Variants in GFOD1 observed in about 807,000 individuals in gnomAD.
GFOD1 encodes Gfo/Idh/MocA-like oxidoreductase domain containing 1.
In GFOD1, 9 loss-of-function variants were observed where a neutral mutation model predicts 25.4. The observed-to-expected ratio is 0.35, with a 90% CI of 0.21 to 0.62. The LOEUF (loss-of-function observed/expected upper bound fraction) is 0.62, where lower values mean the gene tolerates loss of function less well. Among genes scored for constraint, GFOD1 ranks in the 20% least tolerant of loss-of-function variants. The probability of loss-of-function intolerance (pLI) is 0.72; values close to 1 mark genes in which losing one functional copy is unlikely to be tolerated. For missense variants in GFOD1, 403 were observed against 556.9 expected (o/e 0.72, Z 2.78); for synonymous variants, 253 against 245.6 (o/e 1.03, Z -0.28).
At chr6:13,441,558 G>A (rs1190099202) in intron 1 of GFOD1, among the ~76,000 whole-genome samples, 1 of 152,174 alleles carries the variant, frequency 6.6e-6, no homozygotes, top group Non-Finnish European at 1.5e-5. Flanking sequence ...AAAAATAAAT[G>A]TTACGAATAG....
At chr6:13,427,650 CA>C (rs111705734) in intron 1 of GFOD1, among the ~76,000 whole-genome samples, 29 of 149,068 alleles carry the variant, frequency 1.9e-4, no homozygotes, top group African/African-American at 6.4e-4. Flanking sequence ...GAGCCTGTCT[CA>C]AAAAAAAAGG....
At chr6:13,444,357 T>C (rs112229930) in intron 1 of GFOD1, among the ~76,000 whole-genome samples, 26 of 149,508 alleles carry the variant, frequency 1.7e-4, no homozygotes, top group Non-Finnish European at 3.1e-4. Flanking sequence ...CGGGTCTCCT[T>C]ACGGGTGGAG....
intron 1 of GFOD1, among the ~76,000 whole-genome samples, chr6:13,475,448 G>A (rs983015739): frequency 5.3e-5 from 8 of 151,654 alleles, no homozygotes; most frequent in Middle Eastern, 3.4e-3. Flanking sequence ...GGTGGCTCAC[G>A]CCTGTAATCC....
Position 13,458,757 on chromosome 6 carries a change from C to CAAAAAAAAAAAAA in GFOD1, c.253+27868_253+27880dup, listed in dbSNP as rs5874418. 1.2e-4 allele frequency among the ~76,000 whole-genome samples: 7 copies of CAAAAAAAAAAAAA among 57,238 alleles called. 2 individuals carry two copies. Among genetic ancestry groups the CAAAAAAAAAAAAA allele is most frequent in the Non-Finnish European group, 2.8e-4 (7 of 25,258 alleles). 37.6% of individuals were successfully genotyped at this position (57,238 alleles called of 152,430 possible). The stretch of plus-strand genomic sequence containing the variant: ...CAAAAAGACTCCATTTCCCCTTGAG[C>CAAAAAAAAAAAAA]AAAAAAAAAAAAAAAAAAAAAAAAA... On this transcript the variant is annotated intron_variant, in intron 1 of 1. Transcript: ENST00000379287.
chr6:13,396,281 G>A (rs1785728568), intron 1 of GFOD1, among the ~76,000 whole-genome samples: 1 of 152,282 alleles, frequency 6.6e-6, no homozygotes, highest in South Asian at 2.1e-4. Context: ...TCAGAAAATG[G>A]AGGCTCTGAA....
At chr6:13,472,090 TAAA>T (rs1758520462) in intron 1 of GFOD1, 1 of 160,426 alleles carries the variant, frequency 6.2e-6, no homozygotes, top group Admixed American at 6.5e-5. Flanking sequence ...AAACCCCTGA[TAAA>T]CCCATCAGAT....
chr6:13,369,460 G>T (rs1785106885), intron 1 of GFOD1, among the ~76,000 whole-genome samples: 1 of 152,094 alleles, frequency 6.6e-6, no homozygotes, highest in Non-Finnish European at 1.5e-5. Flanking sequence ...ATCACTTGAG[G>T]CCAGGAGTTT....
chr6:13,472,410 C>T (rs2560812), intron 1 of GFOD1, among the ~76,000 whole-genome samples: 122,353 of 152,202 alleles, frequency 0.8, 51,634 homozygotes, highest in Middle Eastern at 0.93. Context: ...ATAAATGGAC[C>T]GTAGTTCACC....
In GFOD1 at chr6:13,361,188, T is replaced by C; in HGVS notation, c.*3555A>G. 1 of 279,034 alleles carries C rather than the reference T, an allele frequency of 3.6e-6. No homozygotes were observed. The highest frequency in any genetic ancestry group is 7.1e-6 in the Non-Finnish European group (1 of 141,132). The allele number at this position is 279,034 out of a possible 1,614,324, so 17.3% of individuals were successfully genotyped here. A position where few individuals can be genotyped will look rare whatever the true frequency, so the allele number is the denominator to read the frequency against. On this transcript the variant is annotated 3_prime_UTR_variant, in exon 2 of 2. Transcript: ENST00000379287. ...TTGCTGCCATGTAGGCTAAGGGGGG[T>C]CTGGGGTGCCCTACAATGCAATTGT...
At chr6:13,400,096 A>G (rs1031703789) in intron 1 of GFOD1, among the ~76,000 whole-genome samples, 1 of 151,968 alleles carries the variant, frequency 6.6e-6, no homozygotes, top group African/African-American at 2.4e-5. Context: ...GCCTCCTGAT[A>G]TATTGAAGAG....
intron 1 of GFOD1, among the ~76,000 whole-genome samples, chr6:13,483,794 G>C (rs1562233734): frequency 6.6e-6 from 1 of 152,184 alleles, no homozygotes; most frequent in Non-Finnish European, 1.5e-5. Context: ...GAGGTAGAGT[G>C]CTGGGTTCAA....
chr6:13,366,032 GCTGCAGTGAGCTATGTTCTGGCCA>G (rs1785040813), intron 1 of GFOD1, among the ~76,000 whole-genome samples: 3 of 151,008 alleles, frequency 2.0e-5, no homozygotes, highest in African/African-American at 7.3e-5. Flanking sequence ...TGTTCTGGCC[GCTGCAGTGAGCTATGTTCTGGCCA>G]CTGCACTCCA....
chr6:13,420,763 C>T (rs139375343), intron 1 of GFOD1, among the ~76,000 whole-genome samples: 20 of 152,248 alleles, frequency 1.3e-4, no homozygotes, highest in African/African-American at 2.9e-4. Context: ...TGATTTTTTC[C>T]GGGTCTTTGA....
rs527541684 is a variant in GFOD1 at position 13,396,720 on chromosome 6, G to A, written c.254-31058C>T. Among the ~76,000 whole-genome samples the A allele has an allele frequency of 2.6e-5, 4 of 152,174 alleles. No homozygotes were observed. The East Asian group carries it at 7.7e-4, about 29-fold the overall frequency. ...GTGTCCTGGAAGCAAGAGGTTGGAG[G>A]GACTTGAGAAAGGGGTCATGAGCCA... On this transcript the variant is annotated intron_variant, in intron 1 of 1. Coordinates refer to ENST00000379287, the MANE Select transcript of GFOD1 (RefSeq NM_018988.4).
intron 1 of GFOD1, among the ~76,000 whole-genome samples, chr6:13,444,417 G>C (rs1029337776): frequency 1.3e-5 from 2 of 151,154 alleles, no homozygotes; most frequent in African/African-American, 4.9e-5. Context: ...TGGGTACTAA[G>C]CTTAGTATCT....
chr6:13,403,156 C>T (rs1388783559), intron 1 of GFOD1, among the ~76,000 whole-genome samples: 1 of 147,684 alleles, frequency 6.8e-6, no homozygotes. Context: ...GACGGAGTCT[C>T]GCTCTGTCGC....
intron 1 of GFOD1, among the ~76,000 whole-genome samples, chr6:13,463,270 G>A (rs562459423): frequency 6.6e-6 from 1 of 152,226 alleles, no homozygotes; most frequent in African/African-American, 2.4e-5. Context: ...TGCTGCACTT[G>A]GAAAAAGGGG....
At position 13,398,862 on chromosome 6, in the gene GFOD1, G is replaced by T. The variant is rs188002668; in HGVS notation, c.254-33200C>A. Among the ~76,000 whole-genome samples the T allele has an allele frequency of 3.5e-3, 530 of 152,312 alleles. 1 individual carries two copies. Among genetic ancestry groups the T allele is most frequent in the African/African-American group, 0.012 (496 of 41,570 alleles). On this transcript the variant is annotated intron_variant, in intron 1 of 1. Coordinates refer to ENST00000379287, the MANE Select transcript of GFOD1 (RefSeq NM_018988.4). ...GACATCCAGGGGCTCAGCTGCTTTTGAAAGCTCTCTATTGACAAGGACGCC... is the reference window on the plus strand; with the variant it reads ...GACATCCAGGGGCTCAGCTGCTTTTTAAAGCTCTCTATTGACAAGGACGCC...
intron 1 of GFOD1, among the ~76,000 whole-genome samples, chr6:13,473,128 C>T (rs1421491504): frequency 6.6e-6 from 1 of 152,150 alleles, no homozygotes; most frequent in African/African-American, 2.4e-5. Context: ...GTCCACATGT[C>T]ATATGCAAAT....
Sources: allele counts gnomAD v4.1 joint callset (sites outside exome capture counted in the v4.1 genomes callset), GRCh38; gene constraint gnomAD v4.1.1; transcripts MANE v1.5; gene names NCBI Gene and HGNC (gene_info 2026-07-23, HGNC 2026-07-21).